DNASE1L3: variants seen among roughly 807,000 people sequenced by gnomAD.
DNASE1L3 encodes the protein deoxyribonuclease 1L3, also known as deoxyribonuclease gamma.
In DNASE1L3, 27 loss-of-function variants were observed where a neutral mutation model predicts 30.9. That is an observed-to-expected ratio of 0.87 (90% CI 0.64 to 1.20). The LOEUF (loss-of-function observed/expected upper bound fraction) is 1.20. Ranked by LOEUF, DNASE1L3 falls within the 50% of genes most tolerant of loss-of-function variation. The probability of loss-of-function intolerance (pLI) is 0.00; values close to 1 mark genes in which losing one functional copy is unlikely to be tolerated. For missense variants in DNASE1L3, 364 were observed against 378.2 expected (o/e 0.96, Z 0.31); for synonymous variants, 135 against 138.0 (o/e 0.98, Z 0.15).
At position 58,200,917 on chromosome 3, in the gene DNASE1L3, C is replaced by T. The variant is rs1191703996; in HGVS notation, c.546+80G>A. 8.7e-7 allele frequency: 1 copy of T among 1,149,106 alleles called. No homozygotes were observed. The highest frequency in any genetic ancestry group is 1.3e-6 in the Non-Finnish European group (1 of 793,576). The allele number at this position is 1,149,106 out of a possible 1,614,324, so 71.2% of individuals were successfully genotyped here. A position where few individuals can be genotyped will look rare whatever the true frequency, so the allele number is the denominator to read the frequency against. ...GCACATGCCCTTCCTCCTCCCCCTC[C>T]CTGGAGAGGTACTCATCCCACTCAG... On this transcript the variant is annotated intron_variant, in intron 5 of 7. Coordinates refer to ENST00000394549, the MANE Select transcript of DNASE1L3 (RefSeq NM_004944.4). The surrounding 1 kb of genome is among the most constrained non-coding windows in gnomAD (Gnocchi z 4.2).
intron 4 of DNASE1L3, among the ~76,000 whole-genome samples, chr3:58,202,855 A>G (rs2097401690): frequency 6.6e-6 from 1 of 152,004 alleles, no homozygotes; most frequent in South Asian, 2.1e-4. Context: ...CTCTGTCTAA[A>G]AAAAAAAAAA....
chr3:58,192,927 A>G lies in DNASE1L3; in HGVS notation c.802-124T>C. ...GAAATGCCCGAAGTCACCCCACAGAACACTTACTGGTAAGCGTCATTCCAA... is the reference window on the plus strand; with the variant it reads ...GAAATGCCCGAAGTCACCCCACAGAGCACTTACTGGTAAGCGTCATTCCAA... On this transcript the variant is annotated intron_variant, in intron 7 of 7. Transcript: ENST00000394549. The surrounding 1 kb of genome is among the most constrained non-coding windows in gnomAD (Gnocchi z 4.8). 6.7e-7 allele frequency: 1 copy of G among 1,486,082 alleles called. No homozygotes were observed. The highest frequency in any genetic ancestry group is 8.9e-7 in the Non-Finnish European group (1 of 1,125,794). 92.1% of individuals were successfully genotyped at this position (1,486,082 alleles called of 1,614,324 possible).
At position 58,192,851 on chromosome 3, in the gene DNASE1L3, G is replaced by C; in HGVS notation, c.802-48C>G. 6.3e-7 allele frequency: 1 copy of C among 1,595,414 alleles called. No individual in the cohort carries two copies. Among genetic ancestry groups the C allele is most frequent in the Non-Finnish European group, 8.5e-7 (1 of 1,174,168 alleles). On this transcript the variant is annotated intron_variant, in intron 7 of 7. Coordinates refer to ENST00000394549, the MANE Select transcript of DNASE1L3 (RefSeq NM_004944.4). The surrounding 1 kb of genome is among the most constrained non-coding windows in gnomAD (Gnocchi z 4.8). Reference sequence around the variant, plus strand: ...GACATGGAAATTAGGAGATGCCTGGGAGATGCTTTCATTTTAGCGATGAGC... The same window carrying C: ...GACATGGAAATTAGGAGATGCCTGGCAGATGCTTTCATTTTAGCGATGAGC...
chr3:58,210,132 AG>A (rs2097406702), intron 1 of DNASE1L3, among the ~76,000 whole-genome samples: 1 of 151,910 alleles, frequency 6.6e-6, no homozygotes, highest in East Asian at 1.9e-4. Context: ...GAAGGAAGGA[AG>A]GAAAAAAGTA....
rs34773952 is a variant in DNASE1L3 at position 58,195,613 on chromosome 3, C to CAAAAAAAAAAAAAAA, written c.705-2189_705-2175dup. The stretch of plus-strand genomic sequence containing the variant: ...CGAAACCCCATCTCTACTAAAATTA[C>CAAAAAAAAAAAAAAA]AAAAAAAAAAAAAAAAAAAAAAAAA... On this transcript the variant is annotated intron_variant, in intron 6 of 7. Coordinates refer to ENST00000394549, the MANE Select transcript of DNASE1L3 (RefSeq NM_004944.4). Among the ~76,000 whole-genome samples the CAAAAAAAAAAAAAAA allele has an allele frequency of 1.3e-4, 5 of 38,440 alleles. 1 individual carries two copies. Among genetic ancestry groups the CAAAAAAAAAAAAAAA allele is most frequent in the African/African-American group, 2.6e-4 (3 of 11,426 alleles). 25.2% of individuals were successfully genotyped at this position (38,440 alleles called of 152,430 possible). A position where few individuals can be genotyped will look rare whatever the true frequency, so the allele number is the denominator to read the frequency against.
Position 58,210,826 on chromosome 3 carries a change from G to A in DNASE1L3, c.81C>T (p.Asn27=), listed in dbSNP as rs143268757. 321 of 1,614,156 alleles carry A rather than the reference G, an allele frequency of 2.0e-4. 1 individual carries two copies. The highest frequency in any genetic ancestry group is 1.9e-3 in the South Asian group (177 of 91,084). ...GCTTGCTTTCCCCAAAGGACCTGAC[G>A]TTGAAGGAGCAGATCCTCATGGCCA... is the stretch of plus-strand genomic sequence containing the variant. ...SALAMRICSF[N]VRSFGESKQE... The change falls in exon 1 of 8, where the codon AAC becomes AAT. Residue 27 remains asparagine, a synonymous_variant. Coordinates refer to ENST00000394549, the MANE Select transcript of DNASE1L3 (RefSeq NM_004944.4).
At chr3:58,203,159 G>T (rs2097401870) in intron 4 of DNASE1L3, among the ~76,000 whole-genome samples, 1 of 152,172 alleles carries the variant, frequency 6.6e-6, no homozygotes, top group Admixed American at 6.5e-5. Context: ...GGCGGTCACT[G>T]CTCAAGTCAC....
chr3:58,210,258 A>AAGAG (rs1402535562), intron 1 of DNASE1L3, among the ~76,000 whole-genome samples: 1 of 151,430 alleles, frequency 6.6e-6, no homozygotes, highest in Admixed American at 6.6e-5. Context: ...GAAAGAAAGA[A>AAGAG]AGAGAGAAAG....
In DNASE1L3 at chr3:58,208,353, T is replaced by C. The variant is rs201191447; in HGVS notation, c.142-47A>G. On this transcript the variant is annotated intron_variant, in intron 1 of 7. Coordinates refer to ENST00000394549, the MANE Select transcript of DNASE1L3 (RefSeq NM_004944.4). Reference sequence around the variant, plus strand: ...GGGGTTTGAGGTCATTTACCACAGATAAATAAAACCTTTTATTGGACACTT... The same window carrying C: ...GGGGTTTGAGGTCATTTACCACAGACAAATAAAACCTTTTATTGGACACTT... 150 of 1,585,662 alleles carry C rather than the reference T, an allele frequency of 9.5e-5. 1 individual carries two copies. In the Middle Eastern group the frequency reaches 1.0e-3, roughly 11 times the overall value.
At chr3:58,207,932 A>C in intron 2 of DNASE1L3, 1 of 343,816 alleles carries the variant, frequency 2.9e-6, no homozygotes, top group African/African-American at 2.1e-5. Flanking sequence ...CTTTTCTCCA[A>C]CATTTTCTTC....
At chr3:58,207,915 C>T (rs936160688) in intron 2 of DNASE1L3, 1 of 304,176 alleles carries the variant, frequency 3.3e-6, no homozygotes, top group Non-Finnish European at 6.1e-6. Flanking sequence ...GGTTTCTAAT[C>T]TTTTCTCTTT....
At chr3:58,202,687 C>G (rs1186074494) in intron 4 of DNASE1L3, among the ~76,000 whole-genome samples, 2 of 151,522 alleles carry the variant, frequency 1.3e-5, no homozygotes, top group African/African-American at 4.8e-5. Context: ...AAACCTGTCT[C>G]TACTAAAAAT....
At chr3:58,206,362 C>A (rs1379107744) in intron 2 of DNASE1L3, among the ~76,000 whole-genome samples, 2 of 152,158 alleles carry the variant, frequency 1.3e-5, no homozygotes, top group East Asian at 3.8e-4. Flanking sequence ...CCAACTTAGA[C>A]CTTACAGAAA....
chr3:58,199,407 C>T (rs1224181877), intron 5 of DNASE1L3, among the ~76,000 whole-genome samples: 1 of 152,128 alleles, frequency 6.6e-6, no homozygotes, highest in Non-Finnish European at 1.5e-5. Context: ...CCGTGGCTCA[C>T]GCCTGTAATC....
chr3:58,198,532 T>C (rs374964019), intron 5 of DNASE1L3, among the ~76,000 whole-genome samples: 5 of 152,314 alleles, frequency 3.3e-5, no homozygotes, highest in South Asian at 2.1e-4. Context: ...TTGTTTAAAA[T>C]TGAGTCACAG....
chr3:58,204,027 G>A (rs1395004046), intron 4 of DNASE1L3, among the ~76,000 whole-genome samples: 1 of 152,164 alleles, frequency 6.6e-6, no homozygotes, highest in East Asian at 1.9e-4. Flanking sequence ...AGAGTTCAGG[G>A]AGCAATCCAT....
chr3:58,201,130 G>C (rs369944916), intron 4 of DNASE1L3, 21 bp from the exon 5 acceptor site: 4 of 1,591,212 alleles, frequency 2.5e-6, no homozygotes, highest in Non-Finnish European at 3.4e-6. Context: ...GGAAAGAGGC[G>C]GGGGTCACAC....
rs538363667 is a variant in DNASE1L3, at chr3:58,197,690, C to T, written c.704+131G>A. On this transcript the variant is annotated intron_variant, in intron 6 of 7. Coordinates refer to ENST00000394549, the MANE Select transcript of DNASE1L3 (RefSeq NM_004944.4). This position sits in a 1 kb window ranked among gnomAD's most constrained non-coding sequence, Gnocchi z 5.3. Reference sequence around the variant, plus strand: ...CTGGTCTCAAACTCCTGTACTCAAGCGATCCATCCATCGAGGCCTCCCAAA... The same window carrying T: ...CTGGTCTCAAACTCCTGTACTCAAGTGATCCATCCATCGAGGCCTCCCAAA... 1.2e-4 allele frequency: 153 copies of T among 1,227,162 alleles called. No individual in the cohort carries two copies. In the African/African-American group the frequency reaches 1.8e-3, roughly 14 times the overall value. The allele number at this position is 1,227,162 out of a possible 1,614,324, so 76.0% of individuals were successfully genotyped here. A position where few individuals can be genotyped will look rare whatever the true frequency, so the allele number is the denominator to read the frequency against.
At chr3:58,195,335 A>G (rs560323263) in intron 6 of DNASE1L3, among the ~76,000 whole-genome samples, 5 of 152,162 alleles carry the variant, frequency 3.3e-5, no homozygotes, top group Non-Finnish European at 5.9e-5. Flanking sequence ...TCCAGGCTGG[A>G]GTGCCGTGGC....
Sources: gnomAD v4.1 joint callset for allele counts (sites outside exome capture counted in the v4.1 genomes callset) on GRCh38, gnomAD v4.1.1 for gene constraint, Gnocchi (gnomAD v3.1) non-coding constraint, MANE v1.5 for transcripts, NCBI Gene and HGNC (gene_info 2026-07-23, HGNC 2026-07-21) for gene names.